Variants in TMF1 observed in about 807,000 individuals in gnomAD.
TMF1 encodes the protein TATA element modulatory factor.
TMF1 carries 71 observed loss-of-function variants against 126.5 expected under a neutral mutation model. That is an observed-to-expected ratio of 0.56 (90% CI 0.46 to 0.68). The LOEUF (loss-of-function observed/expected upper bound fraction) is 0.68, where lower values mean the gene tolerates loss of function less well. Ranked by LOEUF, TMF1 falls within the 30% of genes least tolerant of loss-of-function variation. The pLI is 0.00. For missense variants in TMF1, 1,259 were observed against 1,253.2 expected (o/e 1.00, Z -0.07); for synonymous variants, 461 against 430.5 (o/e 1.07, Z -0.88).
rs894167527 is a variant in TMF1, at chr3:69,045,776, G to T, written c.1348-1181C>A. 5.9e-5 allele frequency among the ~76,000 whole-genome samples: 9 copies of T among 151,968 alleles called. No homozygotes were observed. The South Asian group carries it at 1.9e-3, about 32-fold the overall frequency. On this transcript the variant is annotated intron_variant, in intron 2 of 16. Transcript: ENST00000398559. Reference sequence around the variant, plus strand: ...AATAAATAAATAAAATAAAATAAAAGTAGGGCTGGACACGGGTTCATGCTT... The same window carrying T: ...AATAAATAAATAAAATAAAATAAAATTAGGGCTGGACACGGGTTCATGCTT...
chr3:69,024,183 G>T lies in TMF1; in HGVS notation c.3013-3C>A. 1 of 1,598,162 alleles carries T rather than the reference G, an allele frequency of 6.3e-7. No homozygotes were observed. The highest frequency in any genetic ancestry group is 1.1e-5 in the South Asian group (1 of 87,486). ...TTTTCTAGATTGCCAATTTCTAGCT[G>T]AGAAGCATTACCACAAAATAGTTTA... On this transcript the variant is annotated splice_region_variant and splice_polypyrimidine_tract_variant and intron_variant, in intron 15 of 16. Coordinates refer to ENST00000398559, the MANE Select transcript of TMF1 (RefSeq NM_007114.3).
chr3:69,023,382 A>G, intron 16 of TMF1, 62 bp from the exon 17 acceptor site: 2 of 1,356,548 alleles, frequency 1.5e-6, no homozygotes, highest in Non-Finnish European at 2.0e-6. Context: ...TAATATTTAT[A>G]TTGCCATAGG....
chr3:69,030,148 G>C, intron 10 of TMF1, 141 bp from the exon 11 acceptor site: 1 of 616,608 alleles, frequency 1.6e-6, no homozygotes. Context: ...AGGCAGGACT[G>C]TCTACTGAGA....
At chr3:69,026,549 G>A (rs1459404814) in intron 13 of TMF1, among the ~76,000 whole-genome samples, 4 of 152,116 alleles carry the variant, frequency 2.6e-5, no homozygotes, top group Non-Finnish European at 5.9e-5. Flanking sequence ...CCGAGATAGC[G>A]GTGGAGGTGG....
At chr3:69,038,476 T>G in intron 8 of TMF1, 88 bp downstream of exon 8, 1 of 1,408,116 alleles carries the variant, frequency 7.1e-7, no homozygotes, top group South Asian at 1.3e-5. Flanking sequence ...ATCACTACAT[T>G]GTTTGATTCA....
Position 69,047,981 on chromosome 3 carries a change from G to T in TMF1, c.724C>A (p.Pro242Thr). The change falls in exon 2 of 17, where the codon CCT (proline) becomes ACT (threonine). Residue 242 changes from proline to threonine, a missense_variant. Physicochemically the swap from Pro to Thr is conservative, Grantham distance 38. Coordinates refer to ENST00000398559, the MANE Select transcript of TMF1 (RefSeq NM_007114.3). ...GAAAAGGTACTAACAGGAGGAGAAG[G>T]TGTATTGCTCTGCCTGTCTTCATGT... ...QKHEDRQSNT[P>T]SPPVSTFSSG... The T allele has an allele frequency of 1.2e-6, 2 of 1,613,852 alleles. No individual in the cohort carries two copies. Among genetic ancestry groups the T allele is most frequent in the Non-Finnish European group, 1.7e-6 (2 of 1,180,036 alleles).
chr3:69,052,320 G>A lies in TMF1; in HGVS notation c.-234C>T. On this transcript the variant is annotated 5_prime_UTR_variant, in exon 1 of 17. Transcript: ENST00000398559. ...TGCGCTTGCTTCTTCCACGTACACA[G>A]CAACCAAATCTACGAGCCCAGAGTT... 1 of 371,848 alleles carries A rather than the reference G, an allele frequency of 2.7e-6. No homozygotes were observed. Among genetic ancestry groups the A allele is most frequent in the Non-Finnish European group, 4.9e-6 (1 of 204,130 alleles). 23.0% of individuals were successfully genotyped at this position (371,848 alleles called of 1,614,324 possible). A position where few individuals can be genotyped will look rare whatever the true frequency, so the allele number is the denominator to read the frequency against.
At chr3:69,039,428 T>A in intron 6 of TMF1, 123 bp downstream of exon 6, 2 of 1,129,688 alleles carry the variant, frequency 1.8e-6, no homozygotes, top group East Asian at 2.6e-5. Flanking sequence ...TATCTATTGT[T>A]TGAAAAATCC....
At chr3:69,044,448 T>G (rs1191316171) in intron 3 of TMF1, 44 bp downstream of exon 3, 4 of 1,138,164 alleles carry the variant, frequency 3.5e-6, no homozygotes, top group Non-Finnish European at 5.1e-6. Context: ...GTATACAGGT[T>G]TCCAGAAAAT....
chr3:69,047,039 T>C (rs950561441), intron 2 of TMF1, among the ~76,000 whole-genome samples: 1 of 152,176 alleles, frequency 6.6e-6, no homozygotes, highest in Admixed American at 6.5e-5. Context: ...TAAGAAAATA[T>C]TCCTTTCAAA....
At position 69,029,973 on chromosome 3, in the gene TMF1, C is replaced by G; in HGVS notation, c.2436G>C (p.Glu812Asp). 6.2e-7 allele frequency: 1 copy of G among 1,613,976 alleles called. No individual in the cohort carries two copies. The highest frequency in any genetic ancestry group is 2.2e-5 in the East Asian group (1 of 44,878). ...ESQTLLAAAVERERAATEELL... is the reference protein window; with the variant it reads ...ESQTLLAAAVDRERAATEELL... ...GTTCTTCTGTAGCTGCACGTTCTCT[C>G]TCAACTGCTGCTGCCAGCAAGGTCT... The change falls in exon 11 of 17, where the codon GAG becomes GAC. Residue 812 changes from glutamate to aspartate, a missense_variant. Transcript: ENST00000398559.
chr3:69,052,142 C>G lies in TMF1; in HGVS notation c.-56G>C. 6.4e-7 allele frequency: 1 copy of G among 1,566,514 alleles called. No individual in the cohort carries two copies. Among genetic ancestry groups the G allele is most frequent in the Non-Finnish European group, 8.6e-7 (1 of 1,160,968 alleles). On this transcript the variant is annotated 5_prime_UTR_variant, in exon 1 of 17. Transcript: ENST00000398559. ...AGCACCAAGCGGGAAGGCCTCAGGC[C>G]TGGGGAAGGGTGCAGAGGAACGGCT...
At chr3:69,043,633 G>T in intron 4 of TMF1, 117 bp downstream of exon 4, 3 of 1,010,642 alleles carry the variant, frequency 3.0e-6, no homozygotes, top group African/African-American at 1.7e-5. Context: ...AATGTTAATA[G>T]ATGATATCCT....
chr3:69,033,641 G>C lies in TMF1; in HGVS notation c.2308C>G (p.Pro770Ala). 1.2e-6 allele frequency: 2 copies of C among 1,613,984 alleles called. No individual in the cohort carries two copies. Among genetic ancestry groups the C allele is most frequent in the Non-Finnish European group, 1.7e-6 (2 of 1,179,986 alleles). ...LSQSVSSTTR[P>A]LLRQIENLQA... ...AAATTTTCTATTTGTCGAAGCAATG[G>C]TCTTGTTGTTGATGAAACACTTTGA... The change falls in exon 10 of 17, where the codon CCA becomes GCA. Residue 770 changes from proline (P) to alanine (A), a missense_variant. Pro to Ala is a conservative substitution (Grantham distance 27, BLOSUM62 -1). Coordinates refer to ENST00000398559, the MANE Select transcript of TMF1 (RefSeq NM_007114.3).
At chr3:69,051,874 C>A in intron 1 of TMF1, 71 bp downstream of exon 1, 1 of 1,564,932 alleles carries the variant, frequency 6.4e-7, no homozygotes, top group Non-Finnish European at 8.7e-7. Context: ...CCTCTCTACA[C>A]CACTTAACCT....
rs533236330 is a variant in TMF1, at chr3:69,020,305, C to T, written c.*2872G>A. 1.4e-4 allele frequency: 22 copies of T among 152,176 alleles called. No homozygotes were observed. The highest frequency in any genetic ancestry group is 5.1e-4 in the African/African-American group (21 of 41,538). 9.4% of individuals were successfully genotyped at this position (152,176 alleles called of 1,614,324 possible). On this transcript the variant is annotated 3_prime_UTR_variant, in exon 17 of 17. Transcript: ENST00000398559. ...ACAACATAGATATATTTGGTACATT[C>T]CACATGCTAAACACTGTACAACTGG... is the stretch of plus-strand genomic sequence containing the variant.
At position 69,048,483 on chromosome 3, in the gene TMF1, T is replaced by G; in HGVS notation, c.222A>C (p.Pro74=). The change falls in exon 2 of 17, where the codon CCA becomes CCC. Residue 74 remains proline (P), a synonymous_variant. Transcript: ENST00000398559. ...LKSNTEPQSP[P]IASPKAITKP... Reference sequence around the variant, plus strand: ...TTGTGATTGCTTTAGGAGAGGCTATTGGTGGACTCTGAGGTTCAGTGTTTG... The same window carrying G: ...TTGTGATTGCTTTAGGAGAGGCTATGGGTGGACTCTGAGGTTCAGTGTTTG... 6.2e-7 allele frequency: 1 copy of G among 1,614,192 alleles called. No homozygotes were observed. The highest frequency in any genetic ancestry group is 8.5e-7 in the Non-Finnish European group (1 of 1,180,028).
At chr3:69,028,185 A>C in intron 12 of TMF1, 41 bp downstream of exon 12, 1 of 1,522,316 alleles carries the variant, frequency 6.6e-7, no homozygotes, top group Non-Finnish European at 9.1e-7. Flanking sequence ...ACCATTCTCT[A>C]ATGTATGCCC....
chr3:69,030,817 T>G (rs1398202921), intron 10 of TMF1: 2 of 152,216 alleles, frequency 1.3e-5, no homozygotes, highest in African/African-American at 4.8e-5. Flanking sequence ...GAAACCACAT[T>G]ACTCTTACAC....
Sources: gnomAD v4.1 joint callset for allele counts (sites outside exome capture counted in the v4.1 genomes callset) on GRCh38, gnomAD v4.1.1 for gene constraint, MANE v1.5 for transcripts, NCBI Gene and HGNC (gene_info 2026-07-23, HGNC 2026-07-21) for gene names.